Variants in ABCA13 observed in about 807,000 individuals in gnomAD.
The protein encoded by ABCA13 is ATP-binding cassette sub-family A member 13.
ABCA13 carries 476 observed loss-of-function variants against 478.7 expected under a neutral mutation model. The ratio of observed to expected loss-of-function variants is 0.99; its 90% confidence interval spans 0.92 to 1.07. ABCA13 has a LOEUF of 1.07. Among genes scored for constraint, ABCA13 ranks in the 50% least tolerant of loss-of-function variants. ABCA13 has a pLI of 0.00. For synonymous variants in ABCA13, 2,252 were observed against 2,158.9 expected (o/e 1.04, Z -1.20); for missense variants, 6,060 against 5,910.6 (o/e 1.03, Z -0.83).
intron 47 of ABCA13, 85 bp from the exon 48 acceptor site, chr7:48,489,149 CAT>C (rs1466504694): frequency 5.8e-5 from 64 of 1,096,640 alleles, no homozygotes; most frequent in Non-Finnish European, 7.9e-5. Context: ...TTAATTGACA[CAT>C]ACGTTCCTTA....
chr7:48,531,669 C>G (rs1360786782), intron 55 of ABCA13, among the ~76,000 whole-genome samples: 1 of 149,726 alleles, frequency 6.7e-6, no homozygotes, highest in Non-Finnish European at 1.5e-5. Context: ...TGATTTCTTT[C>G]AGCAGTGTTT....
chr7:48,329,170 C>G (rs1804802282), intron 27 of ABCA13, among the ~76,000 whole-genome samples: 1 of 152,018 alleles, frequency 6.6e-6, no homozygotes, highest in Non-Finnish European at 1.5e-5. Context: ...AACAGAATAC[C>G]AACATAATGC....
At position 48,619,427 on chromosome 7, in the gene ABCA13, T is replaced by A. The variant is rs565764047; in HGVS notation, c.14837+4050T>A. Among the ~76,000 whole-genome samples the A allele has an allele frequency of 2.6e-5, 4 of 152,318 alleles. No homozygotes were observed. The East Asian group carries it at 7.7e-4, about 29-fold the overall frequency. ...ATGTTGTTTCTTACCTGAGTCACAA[T>A]TTAAGAAAAGTCAATCAATATTAGA... On this transcript the variant is annotated intron_variant, in intron 59 of 61. Coordinates refer to ENST00000435803, the MANE Select transcript of ABCA13 (RefSeq NM_152701.5).
At chr7:48,269,177 C>G (rs1307149996) in intron 16 of ABCA13, 83 bp downstream of exon 16, 1 of 732,732 alleles carries the variant, frequency 1.4e-6, no homozygotes, top group Non-Finnish European at 2.3e-6. Flanking sequence ...GATATGCACT[C>G]TTTAAAATTT....
intron 51 of ABCA13, 119 bp from the exon 52 acceptor site, chr7:48,516,606 A>T (rs144511068): frequency 3.1e-6 from 3 of 979,340 alleles, no homozygotes; most frequent in East Asian, 2.4e-5. Context: ...TATATGTAGG[A>T]TTCAGTAATA....
At chr7:48,627,429 C>A (rs1332055704) in intron 59 of ABCA13, among the ~76,000 whole-genome samples, 3 of 152,116 alleles carry the variant, frequency 2.0e-5, no homozygotes. Context: ...AACAGACTAT[C>A]TTCTTTTAAA....
intron 59 of ABCA13, among the ~76,000 whole-genome samples, chr7:48,642,326 C>T (rs1052058226): frequency 9.2e-5 from 14 of 152,174 alleles, no homozygotes; most frequent in African/African-American, 3.4e-4. Context: ...TAGGGATCAG[C>T]CTCATTTAGG....
In ABCA13 at chr7:48,278,190, A is replaced by G; in HGVS notation, c.6996A>G (p.Leu2332=). 3.2e-6 allele frequency: 5 copies of G among 1,581,664 alleles called. No homozygotes were observed. The highest frequency in any genetic ancestry group is 4.3e-6 in the Non-Finnish European group (5 of 1,163,164). The change falls in exon 18 of 62, where the codon TTA becomes TTG. Residue 2332 remains leucine (L), a synonymous_variant. Coordinates refer to ENST00000435803, the MANE Select transcript of ABCA13 (RefSeq NM_152701.5). ...GATTGATGAACATTTTTTCAAGTTT[A>G]AAGGAGACTATATATCACCTAATGA... ...QDRLMNIFSS[L]KETIYHLMKS...
intron 31 of ABCA13, among the ~76,000 whole-genome samples, chr7:48,354,686 A>T (rs1052196033): frequency 3.9e-5 from 6 of 152,100 alleles, no homozygotes; most frequent in Non-Finnish European, 8.8e-5. Flanking sequence ...TCTTTGAGAA[A>T]GATGAAGAAG....
chr7:48,448,638 C>G (rs1174121599), intron 42 of ABCA13, among the ~76,000 whole-genome samples: 1 of 151,816 alleles, frequency 6.6e-6, no homozygotes, highest in African/African-American at 2.4e-5. Flanking sequence ...TTTCTTTTAC[C>G]TATATTGTGT....
rs1802721108 is a variant in ABCA13 at position 48,317,197 on chromosome 7, G to A, written c.9900G>A (p.Leu3300=). Residue 3300 remains leucine (L), a synonymous_variant, in exon 27 of 62, where the codon TTG becomes TTA. Coordinates refer to ENST00000435803, the MANE Select transcript of ABCA13 (RefSeq NM_152701.5). The part of the protein sequence containing the change: ...CLKLYQEILQ[L]PNGALVWTFL... Reference sequence around the variant, plus strand: ...AGCTTTATCAGGAAATTCTACAATTGCCAAATGGTGCTTTGGTGTGGACCT... The same window carrying A: ...AGCTTTATCAGGAAATTCTACAATTACCAAATGGTGCTTTGGTGTGGACCT... 2 of 1,613,022 alleles carry A rather than the reference G, an allele frequency of 1.2e-6. No homozygotes were observed. The highest frequency in any genetic ancestry group is 1.3e-5 in the African/African-American group (1 of 74,994).
chr7:48,385,602 A>G (rs1815059647), intron 35 of ABCA13, among the ~76,000 whole-genome samples: 2 of 152,178 alleles, frequency 1.3e-5, no homozygotes, highest in Admixed American at 1.3e-4. Context: ...GCTATTATGA[A>G]TAGTGCCACA....
At chr7:48,362,220 C>T (rs967212131) in intron 31 of ABCA13, among the ~76,000 whole-genome samples, 1 of 150,136 alleles carries the variant, frequency 6.7e-6, no homozygotes, top group East Asian at 1.9e-4. Context: ...AATTATACTC[C>T]CTTATTACTT....
rs942064380 is a variant in ABCA13, at chr7:48,421,195, C to T, written c.12460-6571C>T. On this transcript the variant is annotated intron_variant, in intron 41 of 61. Coordinates refer to ENST00000435803, the MANE Select transcript of ABCA13 (RefSeq NM_152701.5). ...CCCACTCTTAAGTTAATTTCCTTTT[C>T]TCTCTCTTTTTTTTTTTGAGGATAT... Among the ~76,000 whole-genome samples the T allele has an allele frequency of 2.8e-5, 3 of 108,116 alleles. No individual in the cohort carries two copies. The South Asian group carries it at 9.3e-4, about 33-fold the overall frequency. 70.9% of individuals were successfully genotyped at this position (108,116 alleles called of 152,430 possible).
chr7:48,474,793 T>C (rs1188494232), intron 45 of ABCA13, among the ~76,000 whole-genome samples: 2 of 152,230 alleles, frequency 1.3e-5, no homozygotes, highest in African/African-American at 4.8e-5. Flanking sequence ...AGCCTTGATT[T>C]GATCATTCTA....
chr7:48,292,979 C>T lies in ABCA13; in HGVS notation c.8956-2721C>T, dbSNP rs1356310812. Among the ~76,000 whole-genome samples the T allele has an allele frequency of 3.3e-5, 5 of 152,126 alleles. No homozygotes were observed. The East Asian group carries it at 9.6e-4, about 29-fold the overall frequency. ...GTCCTATAGGATTTCTGTTCAAGTT[C>T]CACTCCCAAATCACTTGGGAAGAAA... is the stretch of plus-strand genomic sequence containing the variant. On this transcript the variant is annotated intron_variant, in intron 20 of 61. Transcript: ENST00000435803.
chr7:48,298,922 G>A (rs1799769642), intron 23 of ABCA13, among the ~76,000 whole-genome samples: 1 of 152,180 alleles, frequency 6.6e-6, no homozygotes, highest in African/African-American at 2.4e-5. Context: ...GGCACAGTCT[G>A]ACTATGTGCT....
chr7:48,516,855 T>TTGC lies in ABCA13; in HGVS notation c.13773_13775dup (p.Leu4592dup), dbSNP rs749264189. The TTGC allele has an allele frequency of 6.2e-7, 1 of 1,613,662 alleles. No homozygotes were observed. Among genetic ancestry groups the TTGC allele is most frequent in the South Asian group, 1.1e-5 (1 of 91,064 alleles). On this transcript the variant is annotated inframe_insertion, in exon 52 of 62. Coordinates refer to ENST00000435803, the MANE Select transcript of ABCA13 (RefSeq NM_152701.5). ...CATGCTCATAACCATTATGCCCCGG[T>TTGC]TGCTAGCCATCATCTCCAAAGCTAA...
Position 48,618,787 on chromosome 7 carries a change from C to A in ABCA13, c.14837+3410C>A, listed in dbSNP as rs187258729. Among the ~76,000 whole-genome samples the A allele has an allele frequency of 5.1e-3, 771 of 152,152 alleles. 3 individuals are homozygous for A. Among genetic ancestry groups the A allele is most frequent in the African/African-American group, 0.018 (733 of 41,510 alleles). ...TGGATTGTGGCTTAACATGTGAGAG[C>A]CCCTTAGAGGAGGTGTTTGAGATGA... On this transcript the variant is annotated intron_variant, in intron 59 of 61. Coordinates refer to ENST00000435803, the MANE Select transcript of ABCA13 (RefSeq NM_152701.5).
Sources: allele counts gnomAD v4.1 joint callset (sites outside exome capture counted in the v4.1 genomes callset), GRCh38; gene constraint gnomAD v4.1.1; transcripts MANE v1.5; gene names NCBI Gene and HGNC (gene_info 2026-07-23, HGNC 2026-07-21).